Variants in ROBO1 observed in about 807,000 individuals in gnomAD.
ROBO1 encodes roundabout homolog 1.
Under a neutral mutation model 195.9 loss-of-function variants are expected in ROBO1, and 149 were observed. That is an observed-to-expected ratio of 0.76 (90% CI 0.67 to 0.87). ROBO1 has a LOEUF of 0.87. Ranked by LOEUF, ROBO1 falls within the 40% of genes least tolerant of loss-of-function variation. The probability of loss-of-function intolerance (pLI) is 0.00; values close to 1 mark genes in which losing one functional copy is unlikely to be tolerated. For missense variants in ROBO1, 1,933 were observed against 2,068.3 expected, an observed-to-expected ratio of 0.93 and a Z score of 1.27; for synonymous variants, 816 against 733.2, an observed-to-expected ratio of 1.11 and a Z score of -1.82.
chr3:78,802,726 CAT>C (rs2084406919), intron 4 of ROBO1, among the ~76,000 whole-genome samples: 1 of 151,764 alleles, frequency 6.6e-6, no homozygotes, highest in Non-Finnish European at 1.5e-5. Flanking sequence ...TCATCATCAT[CAT>C]CATCATCATC....
chr3:79,507,409 G>T (rs1013933837), intron 2 of ROBO1, among the ~76,000 whole-genome samples: 14 of 152,150 alleles, frequency 9.2e-5, no homozygotes, highest in African/African-American at 3.4e-4. Flanking sequence ...CTGAAGAGCA[G>T]TACTGCAACT....
At chr3:79,385,468 T>C (rs1040572694) in intron 2 of ROBO1, among the ~76,000 whole-genome samples, 2 of 152,120 alleles carry the variant, frequency 1.3e-5, no homozygotes, top group African/African-American at 4.8e-5. Context: ...GTATCATCAT[T>C]GTAATGTTAC....
intron 3 of ROBO1, among the ~76,000 whole-genome samples, chr3:79,031,587 T>A (rs1439430668): frequency 6.6e-6 from 1 of 152,238 alleles, no homozygotes; most frequent in Non-Finnish European, 1.5e-5. Context: ...AGTTTCTTAA[T>A]ATCGCTAGCA....
intron 4 of ROBO1, among the ~76,000 whole-genome samples, chr3:78,854,968 G>A (rs947231509): frequency 2.6e-5 from 4 of 152,072 alleles, no homozygotes; most frequent in Admixed American, 1.3e-4. Context: ...ATCTTGAAAA[G>A]GATGTGAGTT....
chr3:78,635,870 C>T lies in ROBO1; in HGVS notation c.3276G>A (p.Gly1092=), dbSNP rs760723125. ...NLSNNMNNGS[G]DSGEKHWKPL... ...GTTTCCAGTGCTTCTCGCCAGAGTCCCCGCTGCCATTGTTCATGTTGTTGC... is the reference window on the plus strand; with the variant it reads ...GTTTCCAGTGCTTCTCGCCAGAGTCTCCGCTGCCATTGTTCATGTTGTTGC... The change falls in exon 23 of 31, where the codon GGG becomes GGA. Residue 1092 remains glycine, a synonymous_variant. Coordinates refer to ENST00000464233, the MANE Select transcript of ROBO1 (RefSeq NM_002941.4). 2 of 1,613,836 alleles carry T rather than the reference C, an allele frequency of 1.2e-6. No individual in the cohort carries two copies. The highest frequency in any genetic ancestry group is 2.2e-5 in the East Asian group (1 of 44,854).
intron 4 of ROBO1, among the ~76,000 whole-genome samples, chr3:78,886,024 A>T (rs916040589): frequency 6.7e-6 from 1 of 149,904 alleles, no homozygotes; most frequent in Non-Finnish European, 1.5e-5. Context: ...ATATTTTTGT[A>T]AAACGTCTTC....
At chr3:79,512,353 AT>A (rs1303503265) in intron 2 of ROBO1, among the ~76,000 whole-genome samples, 15 of 152,124 alleles carry the variant, frequency 9.9e-5, no homozygotes, top group East Asian at 1.9e-4. Flanking sequence ...TGAATTCACC[AT>A]TTTTTTGTGA....
At chr3:78,636,165 ATTTCT>A (rs1559676922) in intron 22 of ROBO1, 57 bp from the exon 23 acceptor site, 3 of 1,291,384 alleles carry the variant, frequency 2.3e-6, no homozygotes, top group Non-Finnish European at 2.1e-6. Context: ...TTCCTTTTAA[ATTTCT>A]TTTTACGTAG....
chr3:78,963,287 G>C (rs186198919), intron 3 of ROBO1, among the ~76,000 whole-genome samples: 15 of 151,820 alleles, frequency 9.9e-5, no homozygotes, highest in Non-Finnish European at 1.8e-4. Context: ...AATATATACA[G>C]TACATTTCCA....
At chr3:79,273,281 T>C (rs980895546) in intron 2 of ROBO1, among the ~76,000 whole-genome samples, 7 of 151,938 alleles carry the variant, frequency 4.6e-5, no homozygotes, top group Non-Finnish European at 8.8e-5. Flanking sequence ...AATGAACATA[T>C]CAAAAACAAT....
intron 2 of ROBO1, among the ~76,000 whole-genome samples, chr3:79,505,037 A>C (rs1940314301): frequency 7.3e-6 from 1 of 137,280 alleles, no homozygotes; most frequent in South Asian, 2.3e-4. Flanking sequence ...TGAAAAAAAA[A>C]AACTTTTTGA....
chr3:79,112,687 C>T (rs1468930341), intron 3 of ROBO1, among the ~76,000 whole-genome samples: 1 of 149,962 alleles, frequency 6.7e-6, no homozygotes, highest in East Asian at 2.0e-4. Context: ...TGTTCTCACT[C>T]ATAGGTGGGA....
rs1265144798 is a variant in ROBO1 at position 79,006,081 on chromosome 3, TTTCTC to T, written c.173-67159_173-67155del. 3.8e-4 allele frequency among the ~76,000 whole-genome samples: 58 copies of T among 152,292 alleles called. 1 individual carries two copies. Among genetic ancestry groups the T allele is most frequent in the African/African-American group, 1.3e-3 (55 of 41,572 alleles). On this transcript the variant is annotated intron_variant, in intron 3 of 30. Coordinates refer to ENST00000464233, the MANE Select transcript of ROBO1 (RefSeq NM_002941.4). Reference sequence around the variant, plus strand: ...AGTAAGCTTTAAGCCATTTTGATAATTTCTCTTCTTATTCAAGAATATATTTATTT... The same window carrying T: ...AGTAAGCTTTAAGCCATTTTGATAATTTCTTATTCAAGAATATATTTATTT...
At chr3:79,507,252 T>C (rs976762933) in intron 2 of ROBO1, among the ~76,000 whole-genome samples, 11 of 152,322 alleles carry the variant, frequency 7.2e-5, no homozygotes, top group African/African-American at 2.6e-4. Context: ...GATAAAAATG[T>C]AGACCACAAA....
chr3:78,645,177 C>A (rs879286856), intron 21 of ROBO1, among the ~76,000 whole-genome samples: 7 of 152,076 alleles, frequency 4.6e-5, no homozygotes, highest in Non-Finnish European at 1.0e-4. Context: ...GTACTTGTTG[C>A]CAAATTTGTA....
chr3:79,381,871 T>C (rs553564398), intron 2 of ROBO1, among the ~76,000 whole-genome samples: 66 of 152,290 alleles, frequency 4.3e-4, no homozygotes, highest in African/African-American at 1.5e-3. Context: ...TCTTTTCAAA[T>C]TTAATATATT....
chr3:79,341,718 C>T (rs975062525), intron 2 of ROBO1, among the ~76,000 whole-genome samples: 1 of 151,956 alleles, frequency 6.6e-6, no homozygotes, highest in African/African-American at 2.4e-5. Context: ...AAACGTTTAG[C>T]CCATCTATTT....
Position 79,184,347 on chromosome 3 carries a change from A to G in ROBO1, c.89-58808T>C, listed in dbSNP as rs1349804977. 3.9e-5 allele frequency among the ~76,000 whole-genome samples: 6 copies of G among 152,264 alleles called. No homozygotes were observed. In the South Asian group the frequency reaches 1.2e-3, roughly 32 times the overall value. On this transcript the variant is annotated intron_variant, in intron 2 of 30. Coordinates refer to ENST00000464233, the MANE Select transcript of ROBO1 (RefSeq NM_002941.4). ...AATGTAGGTCTTTCCGGGCTTTGAA[A>G]ACAGAGCTCTGCTCTCATTTAAGAC...
intron 3 of ROBO1, among the ~76,000 whole-genome samples, chr3:79,037,456 A>G (rs771955803): frequency 2.6e-4 from 39 of 152,170 alleles, no homozygotes; most frequent in Non-Finnish European, 4.3e-4. Context: ...TGATTTAGCC[A>G]TGTTACCCCA....
Sources: gnomAD v4.1 joint callset for allele counts (sites outside exome capture counted in the v4.1 genomes callset) on GRCh38, gnomAD v4.1.1 for gene constraint, MANE v1.5 for transcripts, NCBI Gene and HGNC (gene_info 2026-07-23, HGNC 2026-07-21) for gene names.